Variants in ARID5B observed in about 807,000 individuals in gnomAD.
ARID5B encodes the protein AT-rich interaction domain 5B.
In ARID5B, 13 loss-of-function variants were observed where a neutral mutation model predicts 97.2. The ratio of observed to expected loss-of-function variants is 0.13; its 90% CI spans 0.09 to 0.21. ARID5B has a LOEUF of 0.21. Ranked by LOEUF, ARID5B falls within the 10% of genes least tolerant of loss-of-function variation. ARID5B has a pLI of 1.00. For missense variants in ARID5B, 1,210 were observed against 1,465.3 expected (o/e 0.83, Z 2.84); for synonymous variants, 556 against 570.3 (o/e 0.97, Z 0.36).
chr10:61,955,545 T>A (rs1838380428), intron 3 of ARID5B, among the ~76,000 whole-genome samples: 1 of 152,234 alleles, frequency 6.6e-6, no homozygotes, highest in African/African-American at 2.4e-5. Flanking sequence ...GATAATAAAA[T>A]CTCAGGGATG....
intron 2 of ARID5B, among the ~76,000 whole-genome samples, chr10:61,924,581 G>A (rs72833352): frequency 0.042 from 6,458 of 152,238 alleles, 177 homozygotes; most frequent in Non-Finnish European, 0.063. Context: ...TGTGCTAAGT[G>A]AACAGAGTAA....
intron 7 of ARID5B, among the ~76,000 whole-genome samples, chr10:62,064,870 T>C (rs1463009973): frequency 6.6e-6 from 1 of 152,152 alleles, no homozygotes; most frequent in Non-Finnish European, 1.5e-5. Flanking sequence ...GCCTCCCATA[T>C]TCCAGTGATT....
At chr10:61,901,806 T>G in intron 1 of ARID5B, 76 bp downstream of exon 1, 4 of 1,015,378 alleles carry the variant, frequency 3.9e-6, no homozygotes, top group Non-Finnish European at 4.2e-6. Context: ...CCCACACCTC[T>G]GCACCCACCC....
chr10:61,976,863 T>C (rs1053547099), intron 3 of ARID5B, among the ~76,000 whole-genome samples: 3 of 152,074 alleles, frequency 2.0e-5, no homozygotes, highest in Non-Finnish European at 2.9e-5. Context: ...TCTTTCTTTT[T>C]TTTTTTTTTA....
Position 62,085,274 on chromosome 10 carries a change from T to C in ARID5B, c.1200-428T>C, listed in dbSNP as rs1028349293. On this transcript the variant is annotated intron_variant, in intron 8 of 9. Coordinates refer to ENST00000279873, the MANE Select transcript of ARID5B (RefSeq NM_032199.3). ...ATAAGCTTCATGAGCTCAGAGGCTT[T>C]GAATGTTTGGTTCATGGCTGTGTCT... 3.9e-5 allele frequency among the ~76,000 whole-genome samples: 6 copies of C among 152,346 alleles called. 1 individual carries two copies. The highest frequency in any genetic ancestry group is 3.9e-4 in the Admixed American group (6 of 15,312).
Position 62,092,330 on chromosome 10 carries a change from G to A in ARID5B, c.2867G>A (p.Arg956Gln), listed in dbSNP as rs746843478. The change falls in exon 10 of 10, where the codon CGG becomes CAG. Residue 956 changes from arginine (R) to glutamine (Q), a missense_variant. This residue lies in a region of ARID5B where 800 missense variants were observed against 839.1 expected (regional missense o/e 0.95). Coordinates refer to ENST00000279873, the MANE Select transcript of ARID5B (RefSeq NM_032199.3). ...QSRDCHPKAC[R>Q]VSPMTMSGPK... ...CGAGACTGTCACCCCAAAGCCTGTCGGGTATCACCCATGACCATGTCAGGC... is the reference window on the plus strand; with the variant it reads ...CGAGACTGTCACCCCAAAGCCTGTCAGGTATCACCCATGACCATGTCAGGC... 2.5e-6 allele frequency: 4 copies of A among 1,613,130 alleles called. No individual in the cohort carries two copies. The highest frequency in any genetic ancestry group is 1.1e-5 in the South Asian group (1 of 90,898).
intron 4 of ARID5B, among the ~76,000 whole-genome samples, chr10:62,033,778 T>G (rs916421489): frequency 1.1e-4 from 17 of 152,230 alleles, no homozygotes; most frequent in African/African-American, 3.9e-4. Context: ...GTTACCTCAT[T>G]GATACTCCTT....
At chr10:61,921,454 T>G (rs532156108) in intron 2 of ARID5B, among the ~76,000 whole-genome samples, 22 of 152,228 alleles carry the variant, frequency 1.4e-4, no homozygotes, top group Non-Finnish European at 3.1e-4. Flanking sequence ...TCTCAGGCAG[T>G]GGGTCTGGGT....
intron 9 of ARID5B, among the ~76,000 whole-genome samples, chr10:62,088,033 A>G (rs2132980938): frequency 6.6e-6 from 1 of 151,938 alleles, no homozygotes; most frequent in African/African-American, 2.4e-5. Context: ...CCCGGTTAAT[A>G]TTTTTGTATC....
chr10:62,039,026 T>G (rs1839601782), intron 4 of ARID5B, among the ~76,000 whole-genome samples: 1 of 152,196 alleles, frequency 6.6e-6, no homozygotes, highest in Non-Finnish European at 1.5e-5. Flanking sequence ...GACAGACTGG[T>G]GCAGACAAGA....
intron 9 of ARID5B, among the ~76,000 whole-genome samples, chr10:62,088,539 T>C (rs1840322626): frequency 6.6e-6 from 1 of 152,186 alleles, no homozygotes; most frequent in Admixed American, 6.5e-5. Flanking sequence ...TGTTAGGCTT[T>C]GTGTTTCCTG....
chr10:62,019,724 A>G (rs187128840), intron 4 of ARID5B, among the ~76,000 whole-genome samples: 1 of 152,278 alleles, frequency 6.6e-6, no homozygotes, highest in Admixed American at 6.5e-5. Flanking sequence ...ACCTGAGTTC[A>G]TTCGAAGGTG....
intron 4 of ARID5B, chr10:62,024,578 A>G (rs1839396668): frequency 2.6e-6 from 1 of 377,836 alleles, no homozygotes; most frequent in African/African-American, 2.1e-5. Flanking sequence ...TGACTACCAT[A>G]TCTTAAGCAG....
intron 3 of ARID5B, among the ~76,000 whole-genome samples, chr10:61,965,435 TATA>T (rs1203668697): frequency 6.6e-6 from 1 of 152,110 alleles, no homozygotes; most frequent in Non-Finnish European, 1.5e-5. Flanking sequence ...CAGAGTAAGA[TATA>T]ATAATATACC....
chr10:61,922,620 A>G (rs921078239), intron 2 of ARID5B, among the ~76,000 whole-genome samples: 2 of 152,140 alleles, frequency 1.3e-5, no homozygotes, highest in African/African-American at 4.8e-5. Context: ...GAAAATAGGT[A>G]TGTTTCATGC....
chr10:62,035,713 G>T (rs1463370762), intron 4 of ARID5B, among the ~76,000 whole-genome samples: 1 of 151,184 alleles, frequency 6.6e-6, no homozygotes, highest in Non-Finnish European at 1.5e-5. Flanking sequence ...GCTGGTCTCA[G>T]TGTGAGCCAC....
At chr10:62,062,309 T>C (rs1839931121) in intron 7 of ARID5B, among the ~76,000 whole-genome samples, 1 of 152,194 alleles carries the variant, frequency 6.6e-6, no homozygotes, top group African/African-American at 2.4e-5. Flanking sequence ...CTTAGAGTCT[T>C]CTAGATCAGT....
chr10:61,935,011 T>TA (rs764799101), intron 2 of ARID5B, among the ~76,000 whole-genome samples: 3,359 of 127,052 alleles, frequency 0.026, 126 homozygotes, highest in African/African-American at 0.087. Flanking sequence ...AGACTCTGAT[T>TA]AAAAAAAAAA....
intron 3 of ARID5B, among the ~76,000 whole-genome samples, chr10:61,970,781 A>C (rs567944848): frequency 1.3e-5 from 2 of 152,342 alleles, no homozygotes; most frequent in South Asian, 4.1e-4. Flanking sequence ...AAAATAAGTT[A>C]TACATAGTGA....
Sources: allele counts gnomAD v4.1 joint callset (sites outside exome capture counted in the v4.1 genomes callset), GRCh38; gene constraint gnomAD v4.1.1; regional missense constraint gnomAD v4.1.1; transcripts MANE v1.5; gene names NCBI Gene and HGNC (gene_info 2026-07-23, HGNC 2026-07-21).